The following BTBD7 variants were observed in gnomAD, a reference collection of about 807,000 sequenced individuals.
BTBD7 encodes the protein BTB domain containing 7.
BTBD7 carries 38 observed loss-of-function variants against 99.9 expected under a neutral mutation model. The observed-to-expected ratio is 0.38, with a 90% CI of 0.29 to 0.50. The LOEUF (loss-of-function observed/expected upper bound fraction) is 0.50. Among genes scored for constraint, BTBD7 ranks in the 20% least tolerant of loss-of-function variants. The pLI is 0.93. For synonymous variants in BTBD7, 520 were observed against 511.4 expected, an observed-to-expected ratio of 1.02 and a Z score of -0.23; for missense variants, 1,170 against 1,394.6, an observed-to-expected ratio of 0.84 and a Z score of 2.57.
intron 1 of BTBD7, among the ~76,000 whole-genome samples, chr14:93,311,908 G>C (rs1281904622): frequency 6.9e-6 from 1 of 145,676 alleles, no homozygotes; most frequent in African/African-American, 2.6e-5. Flanking sequence ...TTTAGTCATT[G>C]CATTTTTAAC....
At chr14:93,292,956 A>T (rs1396197464) in intron 3 of BTBD7, among the ~76,000 whole-genome samples, 2 of 152,274 alleles carry the variant, frequency 1.3e-5, no homozygotes, top group African/African-American at 4.8e-5. Context: ...CTCTTACCCA[A>T]ACCATTAATA....
intron 1 of BTBD7, among the ~76,000 whole-genome samples, chr14:93,328,959 A>C (rs2053366695): frequency 6.6e-6 from 1 of 152,146 alleles, no homozygotes. Flanking sequence ...GCTTCCTGAC[A>C]CTGGATTTAA....
intron 3 of BTBD7, among the ~76,000 whole-genome samples, chr14:93,275,241 T>C (rs1221417215): frequency 1.3e-5 from 2 of 152,216 alleles, no homozygotes; most frequent in Non-Finnish European, 2.9e-5. Flanking sequence ...TAATATACTT[T>C]CTGACAGACT....
At chr14:93,288,580 G>A in intron 3 of BTBD7, 1 of 873,774 alleles carries the variant, frequency 1.1e-6, no homozygotes, top group Non-Finnish European at 2.0e-6. Context: ...TCTGATCTCT[G>A]TCTCAATTTG....
chr14:93,275,621 C>T (rs189784499), intron 3 of BTBD7, among the ~76,000 whole-genome samples: 1 of 152,204 alleles, frequency 6.6e-6, no homozygotes, highest in African/African-American at 2.4e-5. Context: ...CGTACACAAA[C>T]CTAGATGGTT....
chr14:93,332,261 T>A (rs899300570), intron 1 of BTBD7: 1 of 152,298 alleles, frequency 6.6e-6, no homozygotes, highest in East Asian at 1.9e-4. Flanking sequence ...CCTCCCAACC[T>A]GTCAAAGCTC....
chr14:93,258,875 G>A (rs1289835731), intron 5 of BTBD7, among the ~76,000 whole-genome samples: 3 of 152,190 alleles, frequency 2.0e-5, no homozygotes, highest in Non-Finnish European at 4.4e-5. Context: ...GTGAGCCACC[G>A]TGCCTGGCCT....
In BTBD7 at chr14:93,238,257, A is replaced by C. The variant is rs1292141586; in HGVS notation, c.*4016T>G. On this transcript the variant is annotated 3_prime_UTR_variant, in exon 11 of 11. Coordinates refer to ENST00000334746, the MANE Select transcript of BTBD7 (RefSeq NM_001002860.4). ...TGACAGTCTGAGGATTTTCTAGAGGAAAAAAAAATCAAAGGACTTGCCAAA... is the reference window on the plus strand; with the variant it reads ...TGACAGTCTGAGGATTTTCTAGAGGCAAAAAAAATCAAAGGACTTGCCAAA... 6.9e-6 allele frequency: 1 copy of C among 144,962 alleles called. No homozygotes were observed. The highest frequency in any genetic ancestry group is 1.5e-5 in the Non-Finnish European group (1 of 64,990). 9.0% of individuals were successfully genotyped at this position (144,962 alleles called of 1,614,324 possible). A position where few individuals can be genotyped will look rare whatever the true frequency, so the allele number is the denominator to read the frequency against.
intron 5 of BTBD7, among the ~76,000 whole-genome samples, chr14:93,260,984 A>C (rs1160063204): frequency 6.6e-6 from 1 of 151,652 alleles, no homozygotes; most frequent in East Asian, 1.9e-4. Flanking sequence ...TCTGCCTCCC[A>C]GGTTCAAGTG....
Position 93,272,756 on chromosome 14 carries a change from C to T in BTBD7, c.1163-8763G>A, listed in dbSNP as rs577897935. Among the ~76,000 whole-genome samples the T allele has an allele frequency of 9.0e-4, 137 of 152,342 alleles. 1 individual carries two copies. The highest frequency in any genetic ancestry group is 1.6e-3 in the Admixed American group (25 of 15,304). On this transcript the variant is annotated intron_variant, in intron 3 of 10. Transcript: ENST00000334746. Reference sequence around the variant, plus strand: ...ATATAAGGGCGAGAAGACAAGTCAACCTGCGCCTCAGTGTTCTGCACTGTC... The same window carrying T: ...ATATAAGGGCGAGAAGACAAGTCAATCTGCGCCTCAGTGTTCTGCACTGTC...
chr14:93,290,208 C>T (rs926664722), intron 3 of BTBD7, among the ~76,000 whole-genome samples: 1 of 149,824 alleles, frequency 6.7e-6, no homozygotes, highest in African/African-American at 2.5e-5. Context: ...GCCAATACTG[C>T]CTTTTAATTT....
rs938838376 is a variant in BTBD7, at chr14:93,251,637, T to A, written c.1768A>T (p.Met590Leu). The A allele has an allele frequency of 6.2e-7, 1 of 1,612,666 alleles. No homozygotes were observed. ...ACAAGATCCGTTTGTTCCACCATCA[T>A]CTCATCTAGCACTGACTGAAATAAT... Reference protein sequence around the residue: ...VEEAKSVLDEMMVEQTDLVRL... With the variant: ...VEEAKSVLDELMVEQTDLVRL... Residue 590 changes from methionine to leucine, a missense_variant, in exon 8 of 11, where the codon ATG becomes TTG. By Grantham distance (15) the Met-to-Leu change is conservative (BLOSUM62 2). Coordinates refer to ENST00000334746, the MANE Select transcript of BTBD7 (RefSeq NM_001002860.4).
Position 93,332,835 on chromosome 14 carries a change from C to A in BTBD7, c.-122G>T. 1 of 1,478,436 alleles carries A rather than the reference C, an allele frequency of 6.8e-7. No homozygotes were observed. Among genetic ancestry groups the A allele is most frequent in the Non-Finnish European group, 8.9e-7 (1 of 1,120,998 alleles). 91.6% of individuals were successfully genotyped at this position (1,478,436 alleles called of 1,614,324 possible). ...GGACACTCACCCCGGAGGCTCCTCC[C>A]GCCGCTGCTGCTGCCGCTGGGACCG... is the stretch of plus-strand genomic sequence containing the variant. On this transcript the variant is annotated 5_prime_UTR_variant, in exon 1 of 11. Transcript: ENST00000334746.
Position 93,242,540 on chromosome 14 carries a change from T to C in BTBD7, c.3132A>G (p.Pro1044=), listed in dbSNP as rs1485853721. The C allele has an allele frequency of 6.2e-7, 1 of 1,614,262 alleles. No individual in the cohort carries two copies. The highest frequency in any genetic ancestry group is 8.5e-7 in the Non-Finnish European group (1 of 1,180,044). Residue 1044 remains proline (P), a synonymous_variant, in exon 11 of 11, where the codon CCA becomes CCG. Transcript: ENST00000334746. The part of the protein sequence containing the change: ...PQRSDFPLAA[P]ENASTGPAHV... ...GGGCTGGACCGGTACTAGCATTTTC[T>C]GGGGCTGCCAAAGGAAAGTCTGACC...
intron 1 of BTBD7, among the ~76,000 whole-genome samples, chr14:93,327,040 A>G (rs2053341849): frequency 6.6e-6 from 1 of 152,094 alleles, no homozygotes; most frequent in Admixed American, 6.5e-5. Context: ...ACGTGCCTGT[A>G]TTCCCAGCTA....
At position 93,296,162 on chromosome 14, in the gene BTBD7, A is replaced by T; in HGVS notation, c.-106-5T>A. ...GCAGCCTCTTTTCATCCATTTCTTG[A>T]TATGAAATAAAAATAATTTAATTCA... On this transcript the variant is annotated splice_polypyrimidine_tract_variant and splice_region_variant and intron_variant, in intron 1 of 10. Coordinates refer to ENST00000334746, the MANE Select transcript of BTBD7 (RefSeq NM_001002860.4). 7.6e-7 allele frequency: 1 copy of T among 1,309,872 alleles called. No homozygotes were observed. The allele number at this position is 1,309,872 out of a possible 1,614,324, so 81.1% of individuals were successfully genotyped here. A position where few individuals can be genotyped will look rare whatever the true frequency, so the allele number is the denominator to read the frequency against.
At chr14:93,300,974 T>C (rs1234096364) in intron 1 of BTBD7, among the ~76,000 whole-genome samples, 1 of 151,944 alleles carries the variant, frequency 6.6e-6, no homozygotes, top group Non-Finnish European at 1.5e-5. Flanking sequence ...GCACCTGAAT[T>C]TCGCATTTTA....
intron 1 of BTBD7, among the ~76,000 whole-genome samples, chr14:93,301,542 T>C (rs952816466): frequency 6.6e-6 from 1 of 151,626 alleles, no homozygotes; most frequent in Non-Finnish European, 1.5e-5. Context: ...TACATAAAAT[T>C]AGCCAGGTGT....
At chr14:93,281,216 G>C (rs979778257) in intron 3 of BTBD7, among the ~76,000 whole-genome samples, 13 of 146,720 alleles carry the variant, frequency 8.9e-5, no homozygotes, top group African/African-American at 3.3e-4. Flanking sequence ...TATCCATGCT[G>C]ATCTCAAACT....
Sources: gnomAD v4.1 joint callset for allele counts (sites outside exome capture counted in the v4.1 genomes callset) on GRCh38, gnomAD v4.1.1 for gene constraint, MANE v1.5 for transcripts, NCBI Gene and HGNC (gene_info 2026-07-23, HGNC 2026-07-21) for gene names.